The following PSD3 variants were observed in gnomAD, a reference collection of about 807,000 sequenced individuals.
The protein encoded by PSD3 is pleckstrin and Sec7 domain containing 3.
In PSD3, 49 loss-of-function variants were observed where a neutral mutation model predicts 105.5. That is an observed-to-expected ratio of 0.46 (90% CI 0.37 to 0.59). PSD3 has a LOEUF of 0.59. Among genes scored for constraint, PSD3 ranks in the 20% least tolerant of loss-of-function variants. The pLI is 0.00. For missense variants in PSD3, 1,561 were observed against 1,263.8 expected, an observed-to-expected ratio of 1.24 and a Z score of -3.57; for synonymous variants, 557 against 457.8, an observed-to-expected ratio of 1.22 and a Z score of -2.77.
In PSD3 at chr8:18,936,134, T is replaced by A; in HGVS notation, c.30A>T (p.Thr10=). The stretch of plus-strand genomic sequence containing the variant: ...CAGATGCATTGTTCACCCAAACAAA[T>A]GTCTCTGCCTGCAAAATAAGAACAA... MEGRSAAAE[T]FVWVNNASAH... The change falls in exon 2 of 16, where the codon ACA becomes ACT. Residue 10 remains threonine (T), a synonymous_variant. Coordinates refer to ENST00000327040, the MANE Select transcript of PSD3 (RefSeq NM_015310.4). 2 of 1,607,916 alleles carry A rather than the reference T, an allele frequency of 1.2e-6. No homozygotes were observed. Among genetic ancestry groups the A allele is most frequent in the Non-Finnish European group, 1.7e-6 (2 of 1,175,836 alleles).
At chr8:18,573,855 T>G (rs979317697) in intron 13 of PSD3, among the ~76,000 whole-genome samples, 3 of 152,102 alleles carry the variant, frequency 2.0e-5, no homozygotes, top group Non-Finnish European at 4.4e-5. Flanking sequence ...GATTCAAAAC[T>G]AGATTGTGGT....
intron 15 of PSD3, among the ~76,000 whole-genome samples, chr8:18,538,016 C>T (rs1799934938): frequency 6.6e-6 from 1 of 152,196 alleles, no homozygotes; most frequent in Admixed American, 6.5e-5. Flanking sequence ...ATGGACATGA[C>T]TCCTAAAGCT....
At chr8:18,675,535 A>G (rs1800018050) in intron 9 of PSD3, among the ~76,000 whole-genome samples, 1 of 152,160 alleles carries the variant, frequency 6.6e-6, no homozygotes, top group African/African-American at 2.4e-5. Context: ...GCATGTCATA[A>G]GGGGAGTCAG....
rs71217391 is a variant in PSD3, at chr8:18,616,628, CTT to C, written c.2410+15983_2410+15984del. 5.0e-4 allele frequency among the ~76,000 whole-genome samples: 63 copies of C among 126,758 alleles called. 1 individual carries two copies. Among genetic ancestry groups the C allele is most frequent in the African/African-American group, 7.2e-4 (24 of 33,518 alleles). The allele number at this position is 126,758 out of a possible 152,430, so 83.2% of individuals were successfully genotyped here. ...GCCTCATCTTCCTCTCTTTTCTTTT[CTT>C]TTTTTTTTTTTGAGACGGAGTCTCG... On this transcript the variant is annotated intron_variant, in intron 11 of 15. Transcript: ENST00000327040.
chr8:18,630,336 A>C (rs1196010132), intron 11 of PSD3, among the ~76,000 whole-genome samples: 1 of 151,954 alleles, frequency 6.6e-6, no homozygotes, highest in African/African-American at 2.4e-5. Context: ...ACTGCTAAGC[A>C]ATCCTCAGGT....
chr8:18,569,429 G>A (rs979623927), intron 14 of PSD3, among the ~76,000 whole-genome samples: 30 of 150,608 alleles, frequency 2.0e-4, no homozygotes, highest in Non-Finnish European at 3.7e-4. Flanking sequence ...TCTCAATGTA[G>A]AAAAATCACA....
At chr8:18,691,203 G>T (rs546457636) in intron 9 of PSD3, among the ~76,000 whole-genome samples, 225 of 152,236 alleles carry the variant, frequency 1.5e-3, no homozygotes, top group Middle Eastern at 6.8e-3. Context: ...AAGGCAGGGG[G>T]AACACCCGTA....
At chr8:18,733,228 G>C (rs1803899999) in intron 9 of PSD3, 2 of 152,048 alleles carry the variant, frequency 1.3e-5, no homozygotes, top group African/African-American at 2.4e-5. Flanking sequence ...TAAATTGTTA[G>C]GGAAAAAAGG....
At chr8:18,548,600 G>C (rs911989122) in intron 15 of PSD3, among the ~76,000 whole-genome samples, 5 of 152,184 alleles carry the variant, frequency 3.3e-5, no homozygotes, top group South Asian at 4.1e-4. Flanking sequence ...GCAAGGCTGA[G>C]TGCTGAGAGC....
intron 9 of PSD3, among the ~76,000 whole-genome samples, chr8:18,667,028 G>A (rs186087077): frequency 1.3e-5 from 2 of 152,194 alleles, no homozygotes; most frequent in East Asian, 3.9e-4. Context: ...CCTTCTTGTG[G>A]GTTCGTGGTC....
chr8:18,846,541 G>C (rs1010503705), intron 4 of PSD3, among the ~76,000 whole-genome samples: 4 of 152,198 alleles, frequency 2.6e-5, no homozygotes, highest in East Asian at 1.9e-4. Context: ...TCTCTGGGAG[G>C]TTGTATTCCT....
At chr8:18,835,567 G>A (rs185643136) in intron 4 of PSD3, among the ~76,000 whole-genome samples, 12 of 152,308 alleles carry the variant, frequency 7.9e-5, no homozygotes, top group East Asian at 1.9e-4. Context: ...TACGTAGTAC[G>A]TTGGTAATAC....
At chr8:18,765,421 C>T in intron 9 of PSD3, 28 bp downstream of exon 9, 1 of 1,539,056 alleles carries the variant, frequency 6.5e-7, no homozygotes, top group Admixed American at 1.7e-5. Context: ...TACAAGCATA[C>T]ACTAAAAACC....
chr8:18,621,736 G>A (rs1372720398), intron 11 of PSD3, among the ~76,000 whole-genome samples: 1 of 152,176 alleles, frequency 6.6e-6, no homozygotes, highest in Non-Finnish European at 1.5e-5. Flanking sequence ...CAAGTGCCAA[G>A]GGAAGGGAAA....
At chr8:18,902,357 C>G (rs556097589) in intron 2 of PSD3, among the ~76,000 whole-genome samples, 48 of 152,260 alleles carry the variant, frequency 3.2e-4, no homozygotes, top group African/African-American at 1.1e-3. Context: ...TATAATTTCT[C>G]TCTCTTTGCT....
In PSD3 at chr8:18,936,130, C is replaced by T. The variant is rs752693663; in HGVS notation, c.34G>A (p.Val12Ile). ...EGRSAAAETF[V>I]WVNNASAHSQ... ...TGTGCAGATGCATTGTTCACCCAAA[C>T]AAATGTCTCTGCCTGCAAAATAAGA... is the stretch of plus-strand genomic sequence containing the variant. Residue 12 changes from valine (V) to isoleucine (I), a missense_variant, in exon 2 of 16, where the codon GTT becomes ATT. Val to Ile is a conservative substitution (Grantham distance 29). Coordinates refer to ENST00000327040, the MANE Select transcript of PSD3 (RefSeq NM_015310.4). The T allele has an allele frequency of 4.3e-6, 7 of 1,610,602 alleles. No homozygotes were observed. The highest frequency in any genetic ancestry group is 5.9e-6 in the Non-Finnish European group (7 of 1,178,100).
At chr8:18,949,853 C>G (rs1468433512) in intron 1 of PSD3, among the ~76,000 whole-genome samples, 6 of 140,774 alleles carry the variant, frequency 4.3e-5, no homozygotes, top group Admixed American at 3.5e-4. Context: ...AACACTATCT[C>G]TCGTCTTGAT....
chr8:19,033,446 AGT>A (rs2129476351), intron 1 of PSD3, among the ~76,000 whole-genome samples: 1 of 152,198 alleles, frequency 6.6e-6, no homozygotes. Context: ...CTCTAAGAAT[AGT>A]GTTTCTCTTC....
intron 2 of PSD3, among the ~76,000 whole-genome samples, chr8:18,879,051 A>C (rs3933885): frequency 2.3e-4 from 32 of 138,624 alleles, no homozygotes; most frequent in East Asian, 6.8e-4. Flanking sequence ...CACACACACA[A>C]ACACACACAC....
Sources: gnomAD v4.1 joint callset for allele counts (sites outside exome capture counted in the v4.1 genomes callset) on GRCh38, gnomAD v4.1.1 for gene constraint, MANE v1.5 for transcripts, NCBI Gene and HGNC (gene_info 2026-07-23, HGNC 2026-07-21) for gene names.